The following GLI3 variants were observed in gnomAD, a reference collection of about 807,000 sequenced individuals.
The protein encoded by GLI3 is GLI family zinc finger 3, also known as transcription activator GLI3.
Under a neutral mutation model 100.8 loss-of-function variants are expected in GLI3, and 20 were observed. The observed-to-expected ratio is 0.20, with a 90% CI of 0.14 to 0.29. The LOEUF is 0.29. Among genes scored for constraint, GLI3 ranks in the 10% least tolerant of loss-of-function variants. GLI3 has a pLI of 1.00. For synonymous variants in GLI3, 938 were observed against 860.5 expected (o/e 1.09, Z -1.58); for missense variants, 2,040 against 2,128.5 (o/e 0.96, Z 0.82).
intron 4 of GLI3, among the ~76,000 whole-genome samples, chr7:42,049,783 A>C (rs1432021469): frequency 2.0e-5 from 3 of 152,146 alleles, no homozygotes; most frequent in Admixed American, 2.0e-4. Context: ...ATAATCAGGG[A>C]ACTGGCTCTG....
At chr7:42,138,444 C>G (rs1033963739) in intron 3 of GLI3, among the ~76,000 whole-genome samples, 5 of 152,158 alleles carry the variant, frequency 3.3e-5, no homozygotes, top group African/African-American at 4.8e-5. Flanking sequence ...AAAGGTCAAC[C>G]CACTTGGTCA....
At chr7:42,074,799 T>C (rs1458769045) in intron 4 of GLI3, among the ~76,000 whole-genome samples, 1 of 152,244 alleles carries the variant, frequency 6.6e-6, no homozygotes, top group Non-Finnish European at 1.5e-5. Flanking sequence ...ACTTGTCTTT[T>C]GAGGCTCAGG....
At position 41,963,152 on chromosome 7, in the gene GLI3, C is replaced by T. The variant is rs1385274748; in HGVS notation, c.*1178G>A. On this transcript the variant is annotated 3_prime_UTR_variant, in exon 15 of 15. Coordinates refer to ENST00000395925, the MANE Select transcript of GLI3 (RefSeq NM_000168.6). ...ACATCTTCCCTAGTGCTCTCAAATA[C>T]TAAAAATGGCTGAAGCAATTTATTC... is the stretch of plus-strand genomic sequence containing the variant. 1.3e-5 allele frequency: 2 copies of T among 152,178 alleles called. No homozygotes were observed. Among genetic ancestry groups the T allele is most frequent in the African/African-American group, 2.4e-5 (1 of 41,420 alleles). 9.4% of individuals were successfully genotyped at this position (152,178 alleles called of 1,614,324 possible). A position where few individuals can be genotyped will look rare whatever the true frequency, so the allele number is the denominator to read the frequency against.
intron 3 of GLI3, among the ~76,000 whole-genome samples, chr7:42,120,845 CA>C (rs1785979883): frequency 6.6e-6 from 1 of 152,176 alleles, no homozygotes; most frequent in South Asian, 2.1e-4. Flanking sequence ...TGGGGATCAA[CA>C]ATTATCATTT....
intron 2 of GLI3, among the ~76,000 whole-genome samples, chr7:42,201,837 A>C (rs1307800049): frequency 6.6e-6 from 1 of 152,176 alleles, no homozygotes. Flanking sequence ...TAATCCTAGC[A>C]CTTTGGGAAG....
intron 10 of GLI3, among the ~76,000 whole-genome samples, chr7:42,012,139 G>A (rs948588425): frequency 1.3e-5 from 2 of 152,138 alleles, no homozygotes; most frequent in Non-Finnish European, 2.9e-5. Flanking sequence ...ATGCATGGCC[G>A]AGGATCTAAG....
intron 2 of GLI3, among the ~76,000 whole-genome samples, chr7:42,218,339 G>A (rs898215032): frequency 2.0e-5 from 3 of 151,888 alleles, no homozygotes; most frequent in Non-Finnish European, 4.4e-5. Context: ...AAGAATAGCA[G>A]ATAAATTTCA....
intron 2 of GLI3, chr7:42,151,219 A>G (rs1786851937): frequency 6.6e-6 from 1 of 152,102 alleles, no homozygotes; most frequent in African/African-American, 2.4e-5. Flanking sequence ...GCAGACAAAT[A>G]CTTCATGAAG....
At position 41,995,752 on chromosome 7, in the gene GLI3, A is replaced by C. The variant is rs6973819; in HGVS notation, c.1498-17004T>G. 8.7e-3 allele frequency among the ~76,000 whole-genome samples: 1,331 copies of C among 152,270 alleles called. 10 individuals carry two copies. Among genetic ancestry groups the C allele is most frequent in the African/African-American group, 0.03 (1,256 of 41,546 alleles). On this transcript the variant is annotated intron_variant, in intron 10 of 14. Coordinates refer to ENST00000395925, the MANE Select transcript of GLI3 (RefSeq NM_000168.6). ...ACCCATTAAAATAAATGAGATGAAG[A>C]AAAGAAAGAAGAAAGGCAAGAAGGG...
At chr7:42,259,967 G>T (rs1235233586) in intron 1 of GLI3, among the ~76,000 whole-genome samples, 1 of 152,210 alleles carries the variant, frequency 6.6e-6, no homozygotes, top group Non-Finnish European at 1.5e-5. Flanking sequence ...ATCTGCTGTT[G>T]CAGCCTTTCA....
At chr7:42,056,416 A>C (rs948305848) in intron 4 of GLI3, among the ~76,000 whole-genome samples, 12 of 152,222 alleles carry the variant, frequency 7.9e-5, no homozygotes, top group African/African-American at 2.7e-4. Flanking sequence ...GAGGCTCCCA[A>C]AAGCATGTGG....
intron 2 of GLI3, among the ~76,000 whole-genome samples, chr7:42,163,264 C>T (rs968447246): frequency 5.3e-5 from 8 of 151,892 alleles, no homozygotes; most frequent in Non-Finnish European, 7.4e-5. Context: ...CACACCCCTC[C>T]GGACACTGCC....
At chr7:42,238,761 G>T (rs773111500), upstream of GLI3, among the ~76,000 whole-genome samples, 3 of 152,038 alleles carry the variant, frequency 2.0e-5, no homozygotes, top group Non-Finnish European at 2.9e-5. Context: ...GAGTTCTCGG[G>T]GGGAAACACA....
At chr7:41,999,380 C>A (rs957440300) in intron 10 of GLI3, among the ~76,000 whole-genome samples, 3 of 152,190 alleles carry the variant, frequency 2.0e-5, no homozygotes, top group African/African-American at 7.2e-5. Context: ...TCAATACTGT[C>A]CACAAAGACA....
At chr7:42,221,836 A>C (rs1039642342) in intron 2 of GLI3, among the ~76,000 whole-genome samples, 1 of 152,264 alleles carries the variant, frequency 6.6e-6, no homozygotes, top group African/African-American at 2.4e-5. Flanking sequence ...CTCAATTAAA[A>C]TAAGCTCCAG....
chr7:42,125,506 C>A (rs1238391608), intron 3 of GLI3, among the ~76,000 whole-genome samples: 1 of 152,222 alleles, frequency 6.6e-6, no homozygotes, highest in Non-Finnish European at 1.5e-5. Flanking sequence ...TTGTCTTGAA[C>A]TGCCACCTGT....
chr7:42,188,173 C>G (rs1562778391), intron 2 of GLI3, among the ~76,000 whole-genome samples: 1 of 151,976 alleles, frequency 6.6e-6, no homozygotes, highest in East Asian at 1.9e-4. Context: ...TTTTCTAGAG[C>G]CGTCAGAGGG....
At chr7:42,099,737 C>T (rs944159247) in intron 3 of GLI3, among the ~76,000 whole-genome samples, 1 of 152,202 alleles carries the variant, frequency 6.6e-6, no homozygotes, top group African/African-American at 2.4e-5. Context: ...TGCTATGTTG[C>T]CCAGGCTGGT....
chr7:42,134,316 T>C (rs1786373095), intron 3 of GLI3, among the ~76,000 whole-genome samples: 1 of 152,138 alleles, frequency 6.6e-6, no homozygotes, highest in African/African-American at 2.4e-5. Context: ...TGAGAAGGAC[T>C]CGTGTATGAG....
Sources: allele counts gnomAD v4.1 joint callset (sites outside exome capture counted in the v4.1 genomes callset), GRCh38; gene constraint gnomAD v4.1.1; transcripts MANE v1.5; gene names NCBI Gene and HGNC (gene_info 2026-07-23, HGNC 2026-07-21).